MGAT4C: variants seen among roughly 807,000 people sequenced by gnomAD.
MGAT4C encodes the protein alpha-1,3-mannosyl-glycoprotein 4-beta-N-acetylglucosaminyltransferase C.
Under a neutral mutation model 40.1 loss-of-function variants are expected in MGAT4C, and 19 were observed. The ratio of observed to expected loss-of-function variants is 0.47; its 90% confidence interval spans 0.33 to 0.70. The LOEUF (loss-of-function observed/expected upper bound fraction) is 0.70. MGAT4C is among the 30% of genes least tolerant of loss of function. The pLI is 0.02. For missense variants in MGAT4C, 491 were observed against 563.2 expected (o/e 0.87, Z 1.30); for synonymous variants, 181 against 187.1 (o/e 0.97, Z 0.27).
chr12:86,136,650 T>C (rs1172670110), intron 1 of MGAT4C, among the ~76,000 whole-genome samples: 1 of 152,162 alleles, frequency 6.6e-6, no homozygotes, highest in Admixed American at 6.6e-5. Flanking sequence ...AAACATTTCC[T>C]ACATTCTCTT....
intron 1 of MGAT4C, among the ~76,000 whole-genome samples, chr12:86,823,147 G>A (rs1397707342): frequency 1.3e-5 from 2 of 150,364 alleles, no homozygotes; most frequent in Non-Finnish European, 3.0e-5. Context: ...AAAGTTTATT[G>A]AGATAAATAC....
chr12:86,456,767 G>C (rs894264810), intron 2 of MGAT4C, among the ~76,000 whole-genome samples: 13 of 151,970 alleles, frequency 8.6e-5, no homozygotes, highest in Non-Finnish European at 1.5e-4. Flanking sequence ...AGAAAATTAG[G>C]TTGTCCCAGC....
chr12:86,284,211 A>G (rs947779926), intron 4 of MGAT4C, among the ~76,000 whole-genome samples: 1 of 152,020 alleles, frequency 6.6e-6, no homozygotes, highest in Non-Finnish European at 1.5e-5. Flanking sequence ...TAAAATATTG[A>G]ATACACAAAC....
At chr12:86,387,807 T>C (rs1159259160) in intron 3 of MGAT4C, among the ~76,000 whole-genome samples, 1 of 152,186 alleles carries the variant, frequency 6.6e-6, no homozygotes, top group African/African-American at 2.4e-5. Context: ...TGATATTTTA[T>C]TGCATTATTT....
At position 86,531,600 on chromosome 12, in the gene MGAT4C, G is replaced by C. The variant is rs560908266; in HGVS notation, c.-228-96335C>G. 1.1e-4 allele frequency among the ~76,000 whole-genome samples: 17 copies of C among 152,062 alleles called. No homozygotes were observed. In the South Asian group the frequency reaches 2.1e-3, roughly 19 times the overall value. On this transcript the variant is annotated intron_variant, in intron 2 of 7. Coordinates refer to the MGAT4C transcript ENST00000548651. ...CTCAAGTTTACAATATTATATTGAA[G>C]CCACTTTTTTTCAGACTTTACATCC...
At chr12:85,990,843 C>G (rs1288155259) in intron 2 of MGAT4C, among the ~76,000 whole-genome samples, 2 of 152,070 alleles carry the variant, frequency 1.3e-5, no homozygotes, top group African/African-American at 4.8e-5. Flanking sequence ...CACATAGATG[C>G]ACATAAATGT....
rs60318068 is a variant in MGAT4C, at chr12:86,228,344, T to C, written c.-57+27895A>G. ...TTTACCTGAGTGCACCTCTATTTTA[T>C]CTATAGATAATTTTAATTCAATATG... On this transcript the variant is annotated intron_variant, in intron 1 of 4. Coordinates refer to ENST00000611864, the MANE Select transcript of MGAT4C (RefSeq NM_001351288.2). Among the ~76,000 whole-genome samples the C allele has an allele frequency of 4.9e-3, 751 of 152,070 alleles. 6 individuals carry two copies. The highest frequency in any genetic ancestry group is 0.017 in the African/African-American group (707 of 41,562).
chr12:86,423,173 T>G (rs1956861262), intron 3 of MGAT4C, among the ~76,000 whole-genome samples: 1 of 152,128 alleles, frequency 6.6e-6, no homozygotes, highest in Non-Finnish European at 1.5e-5. Context: ...ACTTAGTTAA[T>G]GAATGTTTTA....
chr12:86,565,364 T>C (rs759073575), intron 2 of MGAT4C, among the ~76,000 whole-genome samples: 26 of 149,714 alleles, frequency 1.7e-4, no homozygotes, highest in African/African-American at 5.8e-4. Flanking sequence ...CTATGATCAG[T>C]TGACAGAGGA....
At chr12:86,599,039 A>G (rs1410918139) in intron 2 of MGAT4C, among the ~76,000 whole-genome samples, 1 of 152,168 alleles carries the variant, frequency 6.6e-6, no homozygotes, top group African/African-American at 2.4e-5. Context: ...CAAAAATAGT[A>G]TAAGTACACC....
chr12:86,077,575 A>G (rs912665216), intron 1 of MGAT4C, among the ~76,000 whole-genome samples: 6 of 152,194 alleles, frequency 3.9e-5, no homozygotes, highest in Admixed American at 3.3e-4. Context: ...CATAGCTGGT[A>G]TTGATGACTA....
intron 2 of MGAT4C, among the ~76,000 whole-genome samples, chr12:86,692,268 T>C (rs1316109711): frequency 1.3e-5 from 2 of 152,156 alleles, no homozygotes; most frequent in Non-Finnish European, 2.9e-5. Flanking sequence ...AAGCCTATGA[T>C]GCAAACAGTG....
intron 2 of MGAT4C, among the ~76,000 whole-genome samples, chr12:86,008,018 G>A (rs1034413897): frequency 2.8e-5 from 4 of 140,352 alleles, no homozygotes; most frequent in Non-Finnish European, 5.0e-5. Context: ...TTAGGTATAT[G>A]TCTCTATTTA....
intron 1 of MGAT4C, among the ~76,000 whole-genome samples, chr12:86,774,319 C>CTTTCTTTCT (rs1555227780): frequency 0.01 from 963 of 93,714 alleles, 90 homozygotes; most frequent in African/African-American, 0.028. Context: ...TTCTTTCTTT[C>CTTTCTTTCT]TTTCTTTCTT....
chr12:86,060,298 T>C (rs935407140), intron 1 of MGAT4C, among the ~76,000 whole-genome samples: 1 of 152,212 alleles, frequency 6.6e-6, no homozygotes, highest in Non-Finnish European at 1.5e-5. Flanking sequence ...TGTTTGTTTA[T>C]GTAAACAATA....
chr12:86,085,204 T>G (rs1239090068), intron 1 of MGAT4C, among the ~76,000 whole-genome samples: 1 of 152,122 alleles, frequency 6.6e-6, no homozygotes, highest in Non-Finnish European at 1.5e-5. Flanking sequence ...GCTCTTTAGT[T>G]TAATTAGATC....
At chr12:86,805,041 G>A in intron 1 of MGAT4C, among the ~76,000 whole-genome samples, 1 of 151,918 alleles carries the variant, frequency 6.6e-6, no homozygotes, top group East Asian at 1.9e-4. Flanking sequence ...TCTACAAAGT[G>A]TTTGTTGCCA....
intron 2 of MGAT4C, among the ~76,000 whole-genome samples, chr12:86,618,682 G>A (rs1347221083): frequency 5.3e-5 from 8 of 152,104 alleles, no homozygotes; most frequent in Admixed American, 2.0e-4. Flanking sequence ...GAGGGTGTGC[G>A]TCTGTGGTGG....
intron 4 of MGAT4C, among the ~76,000 whole-genome samples, chr12:86,316,897 G>A (rs1329857318): frequency 6.6e-6 from 1 of 151,860 alleles, no homozygotes; most frequent in African/African-American, 2.4e-5. Context: ...AAAGTGATAA[G>A]CCCTAAGCCA....
Sources: gnomAD v4.1 joint callset for allele counts (sites outside exome capture counted in the v4.1 genomes callset) on GRCh38, gnomAD v4.1.1 for gene constraint, MANE v1.5 for transcripts, NCBI Gene and HGNC (gene_info 2026-07-23, HGNC 2026-07-21) for gene names.